RBM4: variants seen among roughly 807,000 people sequenced by gnomAD.
The protein encoded by RBM4 is RNA binding motif protein 4.
RBM4 carries 7 observed loss-of-function variants against 29.5 expected under a neutral mutation model. The ratio of observed to expected loss-of-function variants is 0.24; its 90% CI spans 0.14 to 0.45. The LOEUF is 0.45. RBM4 is among the 20% of genes least tolerant of loss of function. RBM4 has a pLI of 1.00. For synonymous variants in RBM4, 220 were observed against 205.4 expected, an observed-to-expected ratio of 1.07 and a Z score of -0.61; for missense variants, 387 against 502.3, an observed-to-expected ratio of 0.77 and a Z score of 2.19.
At chr11:66,660,671 T>A (rs1939061555) in intron 2 of RBM4, among the ~76,000 whole-genome samples, 1 of 147,906 alleles carries the variant, frequency 6.8e-6, no homozygotes, top group African/African-American at 2.5e-5. Flanking sequence ...TTTTTTAATT[T>A]GAGATGGAGT....
In RBM4 at chr11:66,644,152, G is replaced by A; in HGVS notation, c.*8+12G>A. The A allele has an allele frequency of 1.3e-6, 2 of 1,599,172 alleles. No individual in the cohort carries two copies. The highest frequency in any genetic ancestry group is 2.3e-5 in the South Asian group (2 of 88,704). On this transcript the variant is annotated intron_variant, in intron 3 of 3. Transcript: ENST00000310092. Reference sequence around the variant, plus strand: ...TTTTAAAGCTTGAGGTGAGAGGGGTGGGGTGTTCCCTCTTCTGGTTTTGCC... The same window carrying A: ...TTTTAAAGCTTGAGGTGAGAGGGGTAGGGTGTTCCCTCTTCTGGTTTTGCC...
chr11:66,664,678 T>C (rs982299595), intron 2 of RBM4, among the ~76,000 whole-genome samples: 34 of 151,072 alleles, frequency 2.3e-4, no homozygotes, highest in African/African-American at 6.6e-4. Context: ...CAGGCTGGTC[T>C]ACCTGACCTC....
chr11:66,645,544 T>C (rs1938653799), intron 3 of RBM4, among the ~76,000 whole-genome samples: 1 of 152,166 alleles, frequency 6.6e-6, no homozygotes, highest in South Asian at 2.1e-4. Flanking sequence ...TGTCCTCAGG[T>C]CTTAAAACTT....
rs1012711808 is a variant in RBM4, at chr11:66,665,677, A to G, written c.413-179A>G. On this transcript the variant is annotated intron_variant, in intron 2 of 2. Coordinates refer to the RBM4 transcript ENST00000396053. ...GGTCCTGTCCTGTATTCCGGGGGGA[A>G]AAAAAAGAACAAAACAAAACCAAGT... The G allele has an allele frequency of 5.3e-6, 8 of 1,515,110 alleles. No individual in the cohort carries two copies. The East Asian group carries it at 1.2e-4, about 23-fold the overall frequency. The allele number at this position is 1,515,110 out of a possible 1,614,324, so 93.9% of individuals were successfully genotyped here.
At chr11:66,653,536 A>G (rs1390202536) in intron 2 of RBM4, among the ~76,000 whole-genome samples, 1 of 151,876 alleles carries the variant, frequency 6.6e-6, no homozygotes, top group African/African-American at 2.4e-5. Context: ...TTACTTTTGT[A>G]TTTTTAGTAG....
Position 66,643,903 on chromosome 11 carries a change from C to A in RBM4, c.866C>A (p.Ala289Glu). 6.2e-7 allele frequency: 1 copy of A among 1,609,896 alleles called. No homozygotes were observed. The highest frequency in any genetic ancestry group is 8.5e-7 in the Non-Finnish European group (1 of 1,178,818). The change falls in exon 3 of 4, where the codon GCA (alanine) becomes GAA (glutamate). Residue 289 changes from alanine (A) to glutamate (E), a missense_variant. Physicochemically the swap from Ala to Glu is moderately radical, Grantham distance 107. This residue lies in a region of RBM4 where 281 missense variants were observed against 288.7 expected (regional missense o/e 0.97). Transcript: ENST00000310092. This position sits in a 1 kb window ranked among gnomAD's most constrained non-coding sequence, Gnocchi z 6.1. Reference protein sequence around the residue: ...TSGAAATAAAAAAAAAAVTAA... With the variant: ...TSGAAATAAAEAAAAAAVTAA... ...GGAGCTGCTGCCACAGCTGCTGCTG[C>A]AGCAGCAGCCGCTGCTGCTGTTACT...
At position 66,643,695 on chromosome 11, in the gene RBM4, G is replaced by A. The variant is rs556068248; in HGVS notation, c.658G>A (p.Ala220Thr). ...YYNNAYGALD[A>T]YYKRCRAARS... The stretch of plus-strand genomic sequence containing the variant: ...CAACAACGCGTACGGAGCGCTCGAT[G>A]CCTACTACAAGCGCTGCCGTGCTGC... Residue 220 changes from alanine to threonine, a missense_variant, in exon 3 of 4, where the codon GCC (alanine) becomes ACC (threonine). Physicochemically the swap from Ala to Thr is moderately conservative, Grantham distance 58. Transcript: ENST00000310092. This position sits in a 1 kb window ranked among gnomAD's most constrained non-coding sequence, Gnocchi z 6.1. The A allele has an allele frequency of 6.6e-5, 106 of 1,614,200 alleles. No homozygotes were observed. The Admixed American group carries it at 1.2e-3, about 19-fold the overall frequency.
In RBM4 at chr11:66,657,497, C is replaced by A. The variant is rs531723228; in HGVS notation, c.413-8359C>A. Among the ~76,000 whole-genome samples the A allele has an allele frequency of 2.3e-4, 35 of 151,630 alleles. No individual in the cohort carries two copies. The South Asian group carries it at 7.3e-3, about 32-fold the overall frequency. On this transcript the variant is annotated intron_variant, in intron 2 of 2. Coordinates refer to the RBM4 transcript ENST00000396053. ...AGGAGCTCGAGAGCAGCCTGGCCGACATGATGAAACCCCGTCTCTACTAAA... is the reference window on the plus strand; with the variant it reads ...AGGAGCTCGAGAGCAGCCTGGCCGAAATGATGAAACCCCGTCTCTACTAAA...
At chr11:66,639,493 A>C in intron 1 of RBM4, 1 of 648,176 alleles carries the variant, frequency 1.5e-6, no homozygotes, top group Non-Finnish European at 2.6e-6. Flanking sequence ...TCCCTATTGC[A>C]GACGTCTTCT....
In RBM4 at chr11:66,643,326, TC is replaced by T; in HGVS notation, c.413-122del. 7.9e-7 allele frequency: 1 copy of T among 1,266,540 alleles called. No individual in the cohort carries two copies. 78.5% of individuals were successfully genotyped at this position (1,266,540 alleles called of 1,614,324 possible). ...TTTTTTTTTTTTCCTTTTTATCTTT[TC>T]CTAAAGATGAGTCCTGCATTAGAAT... On this transcript the variant is annotated intron_variant, in intron 2 of 3. Coordinates refer to ENST00000310092, the MANE Select transcript of RBM4 (RefSeq NM_002896.4). This position sits in a 1 kb window ranked among gnomAD's most constrained non-coding sequence, Gnocchi z 6.1.
At chr11:66,665,923 C>T (rs1590878044) in exon 3 of RBM4, 1 of 1,535,440 alleles carries the variant, frequency 6.5e-7, no homozygotes, top group Non-Finnish European at 8.7e-7. Flanking sequence ...TTTTCAAGAA[C>T]TGCAATTTAA....
At chr11:66,666,405 T>C (rs1939232302) in exon 3 of RBM4, 7 of 990,740 alleles carry the variant, frequency 7.1e-6, no homozygotes, top group Non-Finnish European at 8.4e-6. Flanking sequence ...CCAACAGTTC[T>C]GGAGTATTTC....
rs762811250 is a variant in RBM4, at chr11:66,644,063, T to C, written c.1026T>C (p.Asn342=). 36 of 1,613,938 alleles carry C rather than the reference T, an allele frequency of 2.2e-5. No individual in the cohort carries two copies. The highest frequency in any genetic ancestry group is 2.8e-5 in the Non-Finnish European group (33 of 1,180,030). ...ELSQASAAAR[N]SLYDMARYER... ...CCCAAGCTTCAGCAGCCGCGCGGAATTCTCTGTACGACATGGCCCGGTATG... is the reference window on the plus strand; with the variant it reads ...CCCAAGCTTCAGCAGCCGCGCGGAACTCTCTGTACGACATGGCCCGGTATG... The change falls in exon 3 of 4, where the codon AAT becomes AAC. Residue 342 remains asparagine, a synonymous_variant. Transcript: ENST00000310092.
rs1465011626 is a variant in RBM4 at position 66,665,902 on chromosome 11, GCATA to G, written c.467_470del (p.Tyr156PhefsTer7). The stretch of plus-strand genomic sequence containing the variant: ...AAGGCTACTGTTGCTGTAACAAAGG[GCATA>G]CATACATTTTCAAGAACTGCAATTT... On this transcript the variant is annotated frameshift_variant, in exon 3 of 3. Transcript: ENST00000396053. LOFTEE classifies it low-confidence loss of function (END_TRUNC). 1 of 1,535,444 alleles carries G rather than the reference GCATA, an allele frequency of 6.5e-7. No homozygotes were observed. The highest frequency in any genetic ancestry group is 8.7e-7 in the Non-Finnish European group (1 of 1,146,838).
chr11:66,646,655 G>T (rs1277287871), downstream of RBM4, among the ~76,000 whole-genome samples: 1 of 152,144 alleles, frequency 6.6e-6, no homozygotes, highest in East Asian at 1.9e-4. Context: ...CAGGCAGGCA[G>T]CCTTATTCCA....
chr11:66,665,652 G>T, intron 2 of RBM4: 1 of 1,531,014 alleles, frequency 6.5e-7, no homozygotes, highest in Non-Finnish European at 8.7e-7. Context: ...AAGCGCCCTG[G>T]GTCCTGTCCT....
intron 2 of RBM4, chr11:66,665,213 G>A (rs150412412): frequency 5.5e-5 from 14 of 256,198 alleles, no homozygotes; most frequent in Middle Eastern, 1.4e-3. Flanking sequence ...AAGGCTGCTT[G>A]CCACTACATG....
intron 2 of RBM4, among the ~76,000 whole-genome samples, chr11:66,656,087 C>T (rs1046890690): frequency 2.0e-5 from 3 of 152,150 alleles, no homozygotes; most frequent in Admixed American, 1.3e-4. Flanking sequence ...TCTCCTTCCT[C>T]AGCCTCCTGA....
chr11:66,648,208 T>C (rs1212606439), downstream of RBM4, among the ~76,000 whole-genome samples: 2 of 151,626 alleles, frequency 1.3e-5, no homozygotes, highest in Non-Finnish European at 2.9e-5. Flanking sequence ...CCTCAAAAAA[T>C]TATTTTATAA....
Sources: allele counts gnomAD v4.1 joint callset (sites outside exome capture counted in the v4.1 genomes callset), GRCh38; gene constraint gnomAD v4.1.1; regional missense constraint gnomAD v4.1.1; non-coding constraint Gnocchi (gnomAD v3.1); transcripts MANE v1.5; gene names NCBI Gene and HGNC (gene_info 2026-07-23, HGNC 2026-07-21).